Variants in CHD6 observed in about 807,000 individuals in gnomAD.
CHD6 encodes ATP-dependent chromatin remodeler CHD6.
CHD6 carries 50 observed loss-of-function variants against 276.9 expected under a neutral mutation model. That is an observed-to-expected ratio of 0.18 (90% CI 0.14 to 0.23). The LOEUF (loss-of-function observed/expected upper bound fraction) is 0.23, where lower values mean the gene tolerates loss of function less well. CHD6 is among the 10% of genes least tolerant of loss of function. The probability of loss-of-function intolerance (pLI) is 1.00; values close to 1 mark genes in which losing one functional copy is unlikely to be tolerated. For missense variants in CHD6, 2,564 were observed against 3,365.8 expected (o/e 0.76, Z 5.89); for synonymous variants, 1,173 against 1,229.3 (o/e 0.95, Z 0.96).
In CHD6 at chr20:41,402,657, T is replaced by C. The variant is rs1425711587; in HGVS notation, c.*1936A>G. 1.4e-5 allele frequency: 3 copies of C among 218,498 alleles called. No individual in the cohort carries two copies. The highest frequency in any genetic ancestry group is 2.8e-5 in the Non-Finnish European group (3 of 108,976). 13.5% of individuals were successfully genotyped at this position (218,498 alleles called of 1,614,324 possible). On this transcript the variant is annotated 3_prime_UTR_variant, in exon 37 of 37. Transcript: ENST00000373233. ...CAAATACATTTTTTTTTCTACTTGA[T>C]AAAAAGAAAATTAGTACTTAAAAGG...
chr20:41,533,450 C>G lies in CHD6; in HGVS notation c.154G>C (p.Ala52Pro), dbSNP rs774944193. 1 of 1,614,146 alleles carries G rather than the reference C, an allele frequency of 6.2e-7. No homozygotes were observed. The highest frequency in any genetic ancestry group is 2.2e-5 in the East Asian group (1 of 44,886). The change falls in exon 3 of 37, where the codon GCT (alanine) becomes CCT (proline). Residue 52 changes from alanine to proline, a missense_variant. Physicochemically the swap from Ala to Pro is conservative, Grantham distance 27 (BLOSUM62 -1). Around this residue, in one of 7 missense-constraint regions of CHD6, gnomAD observed 286 missense variants for 297.8 expected, o/e 0.96. Coordinates refer to ENST00000373233, the MANE Select transcript of CHD6 (RefSeq NM_032221.5). ...TDQEEKIEDVASHCLPQKDLY... is the reference protein window; with the variant it reads ...TDQEEKIEDVPSHCLPQKDLY... ...TCCTTCTGAGGCAGACAGTGACTAG[C>G]AACATCTTCAATTTTCTCTTCTTGA...
chr20:41,544,866 T>C (rs1447630297), intron 2 of CHD6, among the ~76,000 whole-genome samples: 5 of 152,018 alleles, frequency 3.3e-5, no homozygotes, highest in Non-Finnish European at 7.4e-5. Context: ...TCAACTTACA[T>C]ACAATTTACT....
chr20:41,572,109 C>T (rs1186337287), intron 1 of CHD6, among the ~76,000 whole-genome samples: 2 of 152,212 alleles, frequency 1.3e-5, no homozygotes, highest in African/African-American at 2.4e-5. Context: ...CCTCTTAACT[C>T]CAAACTCACC....
At chr20:41,590,798 G>A (rs531160843) in intron 1 of CHD6, among the ~76,000 whole-genome samples, 97 of 151,960 alleles carry the variant, frequency 6.4e-4, no homozygotes, top group African/African-American at 2.2e-3. Flanking sequence ...GGAAGACAGT[G>A]TGGCGATTCC....
chr20:41,586,347 C>T (rs2045594796), intron 1 of CHD6, among the ~76,000 whole-genome samples: 1 of 152,244 alleles, frequency 6.6e-6, no homozygotes, highest in Non-Finnish European at 1.5e-5. Flanking sequence ...TGCCCATTGC[C>T]ACTCCTGATC....
At chr20:41,565,971 G>A (rs2045351312) in intron 1 of CHD6, among the ~76,000 whole-genome samples, 1 of 152,070 alleles carries the variant, frequency 6.6e-6, no homozygotes. Flanking sequence ...CCATTAAGAG[G>A]GAAAAACAGT....
intron 5 of CHD6, among the ~76,000 whole-genome samples, chr20:41,502,200 T>C (rs1187333398): frequency 2.6e-5 from 4 of 152,112 alleles, no homozygotes; most frequent in Non-Finnish European, 5.9e-5. Context: ...GCCACCAACA[T>C]CATTAAGCTA....
chr20:41,436,180 G>A (rs1336854199), intron 27 of CHD6, among the ~76,000 whole-genome samples: 2 of 152,074 alleles, frequency 1.3e-5, no homozygotes, highest in African/African-American at 4.8e-5. Context: ...CTAAAACAAT[G>A]AAATTAGAAT....
chr20:41,501,923 A>T (rs977295906), intron 5 of CHD6, among the ~76,000 whole-genome samples: 1 of 152,176 alleles, frequency 6.6e-6, no homozygotes, highest in African/African-American at 2.4e-5. Flanking sequence ...TCATATGCTT[A>T]CTGGACATTT....
intron 1 of CHD6, among the ~76,000 whole-genome samples, chr20:41,590,260 G>C (rs540045416): frequency 3.2e-4 from 48 of 152,202 alleles, no homozygotes; most frequent in African/African-American, 1.0e-3. Flanking sequence ...CCATAAAAAC[G>C]CTAGAAGAAA....
intron 2 of CHD6, among the ~76,000 whole-genome samples, chr20:41,545,557 T>TA (rs1046559396): frequency 6.6e-6 from 1 of 152,108 alleles, no homozygotes; most frequent in African/African-American, 2.4e-5. Context: ...AAAAGTAAAT[T>TA]ATTCACTCAA....
At position 41,512,086 on chromosome 20, in the gene CHD6, A is replaced by G. The variant is rs571106172; in HGVS notation, c.852+760T>C. 3.2e-4 allele frequency among the ~76,000 whole-genome samples: 48 copies of G among 151,800 alleles called. 2 individuals are homozygous for G. In the South Asian group the frequency reaches 9.2e-3, roughly 29 times the overall value. ...GGGTTCAAGTGATTCTTGTGCCTCA[A>G]TCTCCCAAGTAGCTGGGATTACAGG... On this transcript the variant is annotated intron_variant, in intron 5 of 36. Coordinates refer to ENST00000373233, the MANE Select transcript of CHD6 (RefSeq NM_032221.5).
At chr20:41,542,722 A>G (rs947955276) in intron 2 of CHD6, among the ~76,000 whole-genome samples, 2 of 152,014 alleles carry the variant, frequency 1.3e-5, no homozygotes, top group Non-Finnish European at 2.9e-5. Flanking sequence ...GACTGTATTC[A>G]TGGATAAGGA....
chr20:41,498,745 A>C (rs1336702600), intron 6 of CHD6, among the ~76,000 whole-genome samples: 1 of 151,248 alleles, frequency 6.6e-6, no homozygotes. Flanking sequence ...AAAAACCCCC[A>C]CGTTTCCATT....
chr20:41,467,808 T>TAA lies in CHD6; in HGVS notation c.2664+5512_2664+5513dup, dbSNP rs11470704. Among the ~76,000 whole-genome samples the TAA allele has an allele frequency of 1.6e-3, 221 of 138,062 alleles. 1 individual carries two copies. The Middle Eastern group carries it at 0.019, about 12-fold the overall frequency. 90.6% of individuals were successfully genotyped at this position (138,062 alleles called of 152,430 possible). ...GTGCTTTTGGGCAACAGAAAGGAGT[T>TAA]AAAAAAAAAAAAAAAAGAGGACATT... On this transcript the variant is annotated intron_variant, in intron 17 of 36. Transcript: ENST00000373233.
Position 41,463,467 on chromosome 20 carries a change from C to T in CHD6, c.2665-6039G>A, listed in dbSNP as rs189095299. On this transcript the variant is annotated intron_variant, in intron 17 of 36. Transcript: ENST00000373233. Reference sequence around the variant, plus strand: ...GAGAAATCGGACAGATATCACTGTACTAAGTGATCAAAGTTACCATCATCA... The same window carrying T: ...GAGAAATCGGACAGATATCACTGTATTAAGTGATCAAAGTTACCATCATCA... Among the ~76,000 whole-genome samples the T allele has an allele frequency of 2.6e-5, 4 of 152,274 alleles. No individual in the cohort carries two copies. In the East Asian group the frequency reaches 5.8e-4, roughly 22 times the overall value.
intron 19 of CHD6, 48 bp downstream of exon 19, chr20:41,455,750 ATT>A: frequency 2.4e-6 from 3 of 1,258,480 alleles, no homozygotes; most frequent in South Asian, 1.9e-5. Context: ...GAGAATAAAC[ATT>A]TTTTTTTCTC....
intron 17 of CHD6, among the ~76,000 whole-genome samples, chr20:41,470,911 C>T (rs1204314822): frequency 6.6e-6 from 1 of 152,232 alleles, no homozygotes; most frequent in East Asian, 1.9e-4. Context: ...TCCTGGATAT[C>T]GCTTCAGGCA....
At chr20:41,603,559 C>T (rs1164016970) in intron 1 of CHD6, among the ~76,000 whole-genome samples, 2 of 151,704 alleles carry the variant, frequency 1.3e-5, no homozygotes, top group Non-Finnish European at 2.9e-5. Flanking sequence ...GGTTGAGAAA[C>T]ATTGAATTTA....
Sources: allele counts gnomAD v4.1 joint callset (sites outside exome capture counted in the v4.1 genomes callset), GRCh38; gene constraint gnomAD v4.1.1; regional missense constraint gnomAD v4.1.1; transcripts MANE v1.5; gene names NCBI Gene and HGNC (gene_info 2026-07-23, HGNC 2026-07-21).